Variants in FRMPD4 observed in about 807,000 individuals in gnomAD.
The protein encoded by FRMPD4 is FERM and PDZ domain-containing protein 4.
In FRMPD4, 22 loss-of-function variants were observed where a neutral mutation model predicts 94.1. The observed-to-expected ratio is 0.23, with a 90% CI of 0.17 to 0.33. The LOEUF is 0.33. Ranked by LOEUF, FRMPD4 falls within the 10% of genes least tolerant of loss-of-function variation. FRMPD4 has a pLI of 1.00. For synonymous variants in FRMPD4, 631 were observed against 548.6 expected, an observed-to-expected ratio of 1.15 and a Z score of -2.10; for missense variants, 1,111 against 1,339.9, an observed-to-expected ratio of 0.83 and a Z score of 2.67.
At chrX:12,555,495 T>A (rs754500934) in intron 2 of FRMPD4, among the ~76,000 whole-genome samples, 1 of 112,453 alleles carries the variant, frequency 8.9e-6, no homozygotes, top group East Asian at 2.8e-4. Flanking sequence ...AAAAATATAT[T>A]GTGGATAGCT....
At chrX:11,845,812 T>A (rs1213777581) in intron 1 of FRMPD4, among the ~76,000 whole-genome samples, 1 of 108,600 alleles carries the variant, frequency 9.2e-6, no homozygotes, top group Non-Finnish European at 1.9e-5. Context: ...ACAAAAGGCC[T>A]TTGACAAAAT....
chrX:11,925,687 G>A (rs1001012293), intron 3 of FRMPD4, among the ~76,000 whole-genome samples: 2 of 111,830 alleles, frequency 1.8e-5, no homozygotes, highest in African/African-American at 3.2e-5. Flanking sequence ...CAGAAATCAC[G>A]AAGTTCTTTG....
intron 1 of FRMPD4, among the ~76,000 whole-genome samples, chrX:12,151,738 A>C (rs938144609): frequency 1.8e-5 from 2 of 112,058 alleles, no homozygotes; most frequent in Admixed American, 1.9e-4. Context: ...CCATATCATT[A>C]AACCTTCTTT....
chrX:12,447,820 A>G (rs1028803157), intron 1 of FRMPD4, among the ~76,000 whole-genome samples: 1 of 112,348 alleles, frequency 8.9e-6, no homozygotes, highest in Non-Finnish European at 1.9e-5. Context: ...AATAAGCATC[A>G]TCCCTCTGTT....
At chrX:12,617,942 T>C (rs2059250760) in intron 4 of FRMPD4, among the ~76,000 whole-genome samples, 1 of 111,739 alleles carries the variant, frequency 8.9e-6, no homozygotes, top group Non-Finnish European at 1.9e-5. Flanking sequence ...GAGACCAATT[T>C]ACTGCTATAC....
intron 1 of FRMPD4, among the ~76,000 whole-genome samples, chrX:12,397,347 T>G (rs1286203939): frequency 9.0e-6 from 1 of 111,398 alleles, no homozygotes; most frequent in African/African-American, 3.3e-5. Context: ...ATGTACTCTG[T>G]GTAACAACAA....
chrX:12,419,314 G>GA (rs1292029615), intron 1 of FRMPD4, among the ~76,000 whole-genome samples: 1 of 111,681 alleles, frequency 9.0e-6, no homozygotes, highest in Non-Finnish European at 1.9e-5. Context: ...GAAGCCGATA[G>GA]AAAAAACCCA....
intron 2 of FRMPD4, among the ~76,000 whole-genome samples, chrX:12,565,281 G>A (rs2058701291): frequency 9.0e-6 from 1 of 111,507 alleles, no homozygotes; most frequent in Non-Finnish European, 1.9e-5. Flanking sequence ...GCCCACTCTT[G>A]AGTGTAAGCT....
intron 4 of FRMPD4, among the ~76,000 whole-genome samples, chrX:12,656,176 T>C (rs1344460712): frequency 8.9e-6 from 1 of 111,883 alleles, no homozygotes; most frequent in African/African-American, 3.2e-5. Flanking sequence ...TAGAAGGAAC[T>C]CAGTCAGACA....
At chrX:12,118,435 C>T (rs1482946473) in intron 3 of FRMPD4, among the ~76,000 whole-genome samples, 2 of 112,494 alleles carry the variant, frequency 1.8e-5, no homozygotes, top group African/African-American at 6.5e-5. Flanking sequence ...CCGCAGCAGG[C>T]GACTGCTGGC....
chrX:12,254,708 G>A (rs969031468), intron 1 of FRMPD4, among the ~76,000 whole-genome samples: 1 of 111,842 alleles, frequency 8.9e-6, no homozygotes, highest in Admixed American at 9.5e-5. Flanking sequence ...AATTATTTAC[G>A]CAAGGCTTTT....
intron 1 of FRMPD4, among the ~76,000 whole-genome samples, chrX:12,211,787 T>C (rs1397907527): frequency 8.9e-6 from 1 of 112,233 alleles, no homozygotes; most frequent in Admixed American, 9.4e-5. Flanking sequence ...CATTTAAAAG[T>C]ACTCTTATAA....
At chrX:12,350,158 G>A (rs1247469254) in intron 1 of FRMPD4, among the ~76,000 whole-genome samples, 1 of 111,286 alleles carries the variant, frequency 9.0e-6, no homozygotes, top group African/African-American at 3.3e-5. Flanking sequence ...ATTATCAGCA[G>A]CAAAACACAA....
intron 3 of FRMPD4, among the ~76,000 whole-genome samples, chrX:11,949,683 A>G (rs1029837367): frequency 9.0e-6 from 1 of 110,940 alleles, no homozygotes; most frequent in Admixed American, 9.6e-5. Flanking sequence ...AGGATTTTCA[A>G]GTGAGACCAA....
At chrX:12,084,478 G>T (rs2055091172) in intron 3 of FRMPD4, among the ~76,000 whole-genome samples, 2 of 111,817 alleles carry the variant, frequency 1.8e-5, no homozygotes, top group African/African-American at 3.3e-5. Context: ...TGAGTAAACA[G>T]ATGGAATATT....
At chrX:12,577,179 G>T in intron 2 of FRMPD4, among the ~76,000 whole-genome samples, 1 of 100,597 alleles carries the variant, frequency 9.9e-6, no homozygotes, top group South Asian at 4.7e-4. Flanking sequence ...CAACCATTGC[G>T]TTAGGTGCTC....
intron 1 of FRMPD4, among the ~76,000 whole-genome samples, chrX:12,216,670 C>A (rs1396373776): frequency 8.9e-6 from 1 of 111,818 alleles, no homozygotes; most frequent in East Asian, 2.8e-4. Context: ...CTGTCCTGGG[C>A]TAAAAAAAAT....
intron 1 of FRMPD4, among the ~76,000 whole-genome samples, chrX:12,158,951 C>T (rs2055979689): frequency 8.9e-6 from 1 of 112,135 alleles, no homozygotes; most frequent in Non-Finnish European, 1.9e-5. Flanking sequence ...GAAGCTGTTG[C>T]ATAGGAAGTA....
At chrX:12,237,236 C>T (rs2057080174) in intron 1 of FRMPD4, among the ~76,000 whole-genome samples, 1 of 106,241 alleles carries the variant, frequency 9.4e-6, no homozygotes, top group Non-Finnish European at 1.9e-5. Flanking sequence ...ATATTGTATA[C>T]ATCTAAGTAC....
Sources: allele counts gnomAD v4.1 joint callset (sites outside exome capture counted in the v4.1 genomes callset), GRCh38; gene constraint gnomAD v4.1.1; transcripts MANE v1.5; gene names NCBI Gene and HGNC (gene_info 2026-07-23, HGNC 2026-07-21).